Variants in TDRD12 observed in about 807,000 individuals in gnomAD.
The protein encoded by TDRD12 is tudor domain containing 12.
In TDRD12, 158 loss-of-function variants were observed where a neutral mutation model predicts 133.5. The ratio of observed to expected loss-of-function variants is 1.18; its 90% CI spans 1.04 to 1.35. The LOEUF is 1.35. TDRD12 is among the 40% of genes most tolerant of loss of function. The pLI is 0.00. For synonymous variants in TDRD12, 460 were observed against 477.9 expected (o/e 0.96, Z 0.49); for missense variants, 1,443 against 1,321.3 (o/e 1.09, Z -1.43).
chr19:32,735,918 T>C (rs940061230), intron 2 of TDRD12, among the ~76,000 whole-genome samples: 3 of 152,076 alleles, frequency 2.0e-5, no homozygotes, highest in Admixed American at 6.6e-5. Context: ...TGCAGTGAGC[T>C]GAGATGGCAC....
At chr19:32,760,664 A>G (rs949886453) in intron 8 of TDRD12, among the ~76,000 whole-genome samples, 7 of 152,258 alleles carry the variant, frequency 4.6e-5, no homozygotes, top group African/African-American at 1.4e-4. Context: ...CACTTTAGAC[A>G]TTGTCTTGAT....
chr19:32,764,103 C>CTTTTTTTTTTTTT (rs5827820), intron 8 of TDRD12, among the ~76,000 whole-genome samples: 2 of 72,324 alleles, frequency 2.8e-5, no homozygotes, highest in African/African-American at 5.7e-5. Context: ...TATTGTCCAT[C>CTTTTTTTTTTTTT]TTTTTTTTTT....
chr19:32,758,532 T>C (rs1970060400), intron 8 of TDRD12, among the ~76,000 whole-genome samples: 1 of 152,138 alleles, frequency 6.6e-6, no homozygotes. Flanking sequence ...GCTTGAAAAT[T>C]GGTTTTCACC....
At chr19:32,800,588 G>T in intron 17 of TDRD12, 56 bp from the exon 18 acceptor site, 4 of 1,446,126 alleles carry the variant, frequency 2.8e-6, no homozygotes, top group Non-Finnish European at 2.7e-6. Context: ...GTGGAAAGTG[G>T]ATCTGGAGCA....
chr19:32,724,008 C>T (rs1968777201), intron 1 of TDRD12, among the ~76,000 whole-genome samples: 1 of 151,980 alleles, frequency 6.6e-6, no homozygotes, highest in Non-Finnish European at 1.5e-5. Flanking sequence ...AAGGCATTTG[C>T]CCCCACTCCT....
chr19:32,729,922 C>T (rs1158535181), intron 1 of TDRD12, among the ~76,000 whole-genome samples: 1 of 151,094 alleles, frequency 6.6e-6, no homozygotes, highest in Non-Finnish European at 1.5e-5. Flanking sequence ...TCCCGAGTAG[C>T]TGGGACTACA....
intron 27 of TDRD12, among the ~76,000 whole-genome samples, chr19:32,820,644 C>G (rs1006119843): frequency 1.3e-5 from 2 of 152,102 alleles, no homozygotes; most frequent in African/African-American, 4.8e-5. Flanking sequence ...AAGAATATTT[C>G]TAGAAGTGGG....
At chr19:32,823,564 G>A (rs1049812149), downstream of TDRD12, among the ~76,000 whole-genome samples, 4 of 152,152 alleles carry the variant, frequency 2.6e-5, no homozygotes, top group South Asian at 2.1e-4. Flanking sequence ...AGGATCTTCC[G>A]GAGCCGAGTG....
At chr19:32,810,671 G>A (rs1599617981) in intron 23 of TDRD12, among the ~76,000 whole-genome samples, 2 of 152,204 alleles carry the variant, frequency 1.3e-5, no homozygotes, top group Admixed American at 6.5e-5. Flanking sequence ...TCACATGCTC[G>A]TTTGTACCCA....
intron 21 of TDRD12, among the ~76,000 whole-genome samples, chr19:32,805,835 A>G (rs1052265281): frequency 4.7e-5 from 7 of 149,816 alleles, no homozygotes; most frequent in Non-Finnish European, 1.0e-4. Flanking sequence ...GGGTTCAAAC[A>G]ATTCTCCTGC....
Position 32,798,296 on chromosome 19 carries a change from T to A in TDRD12, c.1631-12T>A, listed in dbSNP as rs1159872407. On this transcript the variant is annotated splice_polypyrimidine_tract_variant and intron_variant, in intron 15 of 27. Transcript: ENST00000444215. ...GAAAATTGAAAATGTTCACTTTTTT[T>A]TTTAAATGCAGGTGATGTGATTGTT... is the stretch of plus-strand genomic sequence containing the variant. 6.6e-7 allele frequency: 1 copy of A among 1,514,790 alleles called. No homozygotes were observed. Among genetic ancestry groups the A allele is most frequent in the Admixed American group, 2.0e-5 (1 of 49,522 alleles). The allele number at this position is 1,514,790 out of a possible 1,614,324, so 93.8% of individuals were successfully genotyped here. A position where few individuals can be genotyped will look rare whatever the true frequency, so the allele number is the denominator to read the frequency against.
At chr19:32,821,166 T>G (rs935559177) in exon 28 of TDRD12, 1 of 1,511,674 alleles carries the variant, frequency 6.6e-7, no homozygotes, top group African/African-American at 1.4e-5. Flanking sequence ...CAAAAGATGG[T>G]TAAGTTCAAA....
At chr19:32,808,797 A>G (rs1479965994) in intron 22 of TDRD12, among the ~76,000 whole-genome samples, 4 of 152,122 alleles carry the variant, frequency 2.6e-5, no homozygotes, top group Non-Finnish European at 4.4e-5. Flanking sequence ...ACTCTTTTAT[A>G]CACTCATTGT....
At chr19:32,736,539 T>A (rs1969230088) in intron 2 of TDRD12, among the ~76,000 whole-genome samples, 1 of 152,242 alleles carries the variant, frequency 6.6e-6, no homozygotes, top group African/African-American at 2.4e-5. Context: ...ATGGTATTTC[T>A]ACAAGATGCT....
intron 8 of TDRD12, among the ~76,000 whole-genome samples, chr19:32,763,135 C>T (rs766178823): frequency 7.9e-5 from 12 of 152,120 alleles, no homozygotes; most frequent in South Asian, 2.1e-4. Flanking sequence ...GGTTGGCATA[C>T]GGCACGTGAC....
intron 1 of TDRD12, among the ~76,000 whole-genome samples, chr19:32,729,378 C>G (rs1200127155): frequency 6.6e-6 from 1 of 151,386 alleles, no homozygotes; most frequent in Non-Finnish European, 1.5e-5. Context: ...CCACCACGCC[C>G]AGCTAATTTT....
At chr19:32,749,494 A>G (rs1405000794) in intron 5 of TDRD12, among the ~76,000 whole-genome samples, 2 of 152,074 alleles carry the variant, frequency 1.3e-5, no homozygotes, top group Non-Finnish European at 2.9e-5. Flanking sequence ...GGGGCTTTGC[A>G]GGGTAGAATG....
In TDRD12 at chr19:32,815,640, C is replaced by T; in HGVS notation, c.3314+20C>T. ...GACCCCGTAAGTGGATTTCTGTCTC[C>T]TTTTTGGAAGAGTTGTTTTTTGGAA... On this transcript the variant is annotated intron_variant, in intron 26 of 27. Coordinates refer to ENST00000444215, the Ensembl canonical transcript of TDRD12. The T allele has an allele frequency of 6.6e-7, 1 of 1,520,266 alleles. No individual in the cohort carries two copies. Among genetic ancestry groups the T allele is most frequent in the Non-Finnish European group, 8.8e-7 (1 of 1,140,146 alleles). 94.2% of individuals were successfully genotyped at this position (1,520,266 alleles called of 1,614,324 possible). A position where few individuals can be genotyped will look rare whatever the true frequency, so the allele number is the denominator to read the frequency against.
chr19:32,720,064 G>A (rs567010604), exon 1 of TDRD12: 4 of 1,548,338 alleles, frequency 2.6e-6, no homozygotes, highest in Non-Finnish European at 2.6e-6. Context: ...GCCCTCGGGC[G>A]CCAGGAGGAT....
Sources: gnomAD v4.1 joint callset for allele counts (sites outside exome capture counted in the v4.1 genomes callset) on GRCh38, gnomAD v4.1.1 for gene constraint, MANE v1.5 for transcripts, NCBI Gene and HGNC (gene_info 2026-07-23, HGNC 2026-07-21) for gene names.